AATK: variants seen among roughly 807,000 people sequenced by gnomAD.
The protein encoded by AATK is serine/threonine-protein kinase LMTK1.
Under a neutral mutation model 114.3 loss-of-function variants are expected in AATK, and 91 were observed. The observed-to-expected ratio is 0.80, with a 90% confidence interval of 0.67 to 0.95. The LOEUF (loss-of-function observed/expected upper bound fraction) is 0.95, where lower values mean the gene tolerates loss of function less well. Ranked by LOEUF, AATK falls within the 40% of genes least tolerant of loss-of-function variation. AATK has a pLI of 0.00. For missense variants in AATK, 2,176 were observed against 1,965.2 expected, an observed-to-expected ratio of 1.11 and a Z score of -2.03; for synonymous variants, 1,075 against 916.5, an observed-to-expected ratio of 1.17 and a Z score of -3.12.
At position 81,121,331 on chromosome 17, in the gene AATK, C is replaced by T. The variant is rs1303179235; in HGVS notation, c.2605G>A (p.Gly869Ser). ...TCGCTGGACGTGTCGGTGAAGATGC[C>T]TGAGGTGGCCTCGGCCGTGTCCTCA... ...EDEDTAEATS[G>S]IFTDTSSDGL... The change falls in exon 11 of 14, where the codon GGC (glycine) becomes AGC (serine). Residue 869 changes from glycine (G) to serine (S), a missense_variant. Transcript: ENST00000326724. 13 of 1,611,528 alleles carry T rather than the reference C, an allele frequency of 8.1e-6. No individual in the cohort carries two copies. Among genetic ancestry groups the T allele is most frequent in the Non-Finnish European group, 1.1e-5 (13 of 1,179,782 alleles).
chr17:81,139,156 A>C (rs1274736659), intron 1 of AATK, among the ~76,000 whole-genome samples: 1 of 152,158 alleles, frequency 6.6e-6, no homozygotes, highest in Non-Finnish European at 1.5e-5. Context: ...TCCTCACTTT[A>C]CAAGTACGAA....
intron 7 of AATK, chr17:81,125,806 G>A (rs2060807330): frequency 2.2e-6 from 1 of 446,772 alleles, no homozygotes; most frequent in Non-Finnish European, 4.7e-6. Flanking sequence ...GGGCCTAGGG[G>A]GTGGAGTGGG....
rs1312470580 is a variant in AATK at position 81,119,350 on chromosome 17, C to CCTACCTCTCGCGTGCT, written c.4084+29_4084+30insAGCACGCGAGAGGTAG. 3 of 1,548,018 alleles carry CCTACCTCTCGCGTGCT rather than the reference C, an allele frequency of 1.9e-6. No individual in the cohort carries two copies. In the South Asian group the frequency reaches 3.6e-5, roughly 18 times the overall value. ...GCTCCGTGCCCTGCCTCCCGCGTGCCCTTCTGCCACAGCCCCGCCCAGGCC... is the reference window on the plus strand; with the variant it reads ...GCTCCGTGCCCTGCCTCCCGCGTGCCCTACCTCTCGCGTGCTCTTCTGCCACAGCCCCGCCCAGGCC... On this transcript the variant is annotated intron_variant, in intron 13 of 13. Transcript: ENST00000326724.
At position 81,126,297 on chromosome 17, in the gene AATK, T is replaced by A. The variant is rs1293018697; in HGVS notation, c.755+130A>T. ...ATAAAATCCCTCTGCATAGTGGTTG[T>A]CTGATGCTGCATGAGATGAACCTGG... On this transcript the variant is annotated intron_variant, in intron 7 of 13. Coordinates refer to ENST00000326724, the MANE Select transcript of AATK (RefSeq NM_001080395.3). This position sits in a 1 kb window ranked among gnomAD's most constrained non-coding sequence, Gnocchi z 5.1. The A allele has an allele frequency of 8.3e-7, 1 of 1,204,474 alleles. No individual in the cohort carries two copies. The highest frequency in any genetic ancestry group is 1.5e-5 in the African/African-American group (1 of 65,092). The allele number at this position is 1,204,474 out of a possible 1,614,324, so 74.6% of individuals were successfully genotyped here.
Position 81,141,533 on chromosome 17 carries a change from C to T in AATK, c.56-7032G>A, listed in dbSNP as rs565318218. 2.6e-5 allele frequency among the ~76,000 whole-genome samples: 4 copies of T among 152,350 alleles called. No homozygotes were observed. The East Asian group carries it at 7.7e-4, about 29-fold the overall frequency. On this transcript the variant is annotated intron_variant, in intron 1 of 13. Transcript: ENST00000326724. ...ACTCCATGAAATCTGTAATCAGTGG[C>T]CACAGGAAACTCATGCAACAGCCCT...
intron 10 of AATK, 56 bp downstream of exon 10, chr17:81,123,138 G>A: frequency 2.2e-6 from 3 of 1,383,262 alleles, no homozygotes; most frequent in East Asian, 3.0e-5. Context: ...TCTGCCTGGG[G>A]ATCAGGATAC....
Position 81,126,345 on chromosome 17 carries a change from G to C in AATK, c.755+82C>G. ...TGGCCGGTCCTCGCAAGCCCCCTGA[G>C]GCAGGACCCGCCCTATGCCCTTCCT... is the stretch of plus-strand genomic sequence containing the variant. On this transcript the variant is annotated intron_variant, in intron 7 of 13. Transcript: ENST00000326724. This position sits in a 1 kb window ranked among gnomAD's most constrained non-coding sequence, Gnocchi z 5.1. 1 of 1,475,680 alleles carries C rather than the reference G, an allele frequency of 6.8e-7. No homozygotes were observed. 91.4% of individuals were successfully genotyped at this position (1,475,680 alleles called of 1,614,324 possible).
At chr17:81,143,102 C>T (rs986942451) in intron 1 of AATK, among the ~76,000 whole-genome samples, 5 of 152,228 alleles carry the variant, frequency 3.3e-5, no homozygotes, top group African/African-American at 1.2e-4. Context: ...CGGCACACGG[C>T]CTTCCCTCGA....
chr17:81,138,709 CCA>C (rs778614587), intron 1 of AATK, among the ~76,000 whole-genome samples: 7 of 148,964 alleles, frequency 4.7e-5, no homozygotes, highest in African/African-American at 9.9e-5. Context: ...ACGCAGATAC[CCA>C]CACGCGCAAA....
chr17:81,141,952 CT>C (rs373240356), intron 1 of AATK, among the ~76,000 whole-genome samples: 9,082 of 114,582 alleles, frequency 0.079, 368 homozygotes, highest in South Asian at 0.11. Flanking sequence ...TCCTTCCTTC[CT>C]TTCCTTCCTT....
At chr17:81,158,527 G>T (rs2061393941) in intron 1 of AATK, among the ~76,000 whole-genome samples, 1 of 152,260 alleles carries the variant, frequency 6.6e-6, no homozygotes, top group Admixed American at 6.5e-5. Context: ...CACGGGAAGT[G>T]AAGCAGCAGG....
Position 81,131,158 on chromosome 17 carries a change from C to A in AATK, c.237G>T (p.Gln79His). The stretch of plus-strand genomic sequence containing the variant: ...TCTGTGCTGCCGTGGCCGGGGAGCC[C>A]TGCGCCAGGTCGGCTGCGTACTCGT... ...EGDEYAADLA[Q>H]GSPATAAQNG... is the part of the protein sequence containing the mutation. The change falls in exon 3 of 14, where the codon CAG becomes CAT. Residue 79 changes from glutamine to histidine, a missense_variant. Physicochemically the swap from Gln to His is conservative, Grantham distance 24 (BLOSUM62 0). Transcript: ENST00000326724. The A allele has an allele frequency of 6.3e-7, 1 of 1,578,502 alleles. No homozygotes were observed. Among genetic ancestry groups the A allele is most frequent in the Non-Finnish European group, 8.6e-7 (1 of 1,163,538 alleles).
intron 5 of AATK, 57 bp downstream of exon 5, chr17:81,127,735 G>A (rs1345523862): frequency 1.3e-6 from 2 of 1,523,768 alleles, no homozygotes; most frequent in African/African-American, 2.8e-5. Flanking sequence ...GGGCCGAGCA[G>A]GGGAGGGAGA....
rs552026334 is a variant in AATK at position 81,118,582 on chromosome 17, G to A, written c.4085-140C>T. The A allele has an allele frequency of 1.9e-5, 16 of 845,878 alleles. No homozygotes were observed. In the African/African-American group the frequency reaches 2.4e-4, roughly 12 times the overall value. 52.4% of individuals were successfully genotyped at this position (845,878 alleles called of 1,614,324 possible). A position where few individuals can be genotyped will look rare whatever the true frequency, so the allele number is the denominator to read the frequency against. On this transcript the variant is annotated intron_variant, in intron 13 of 13. Transcript: ENST00000326724. ...GCAGCAGATCTGGCTGTGTCTAGGT[G>A]AGAGATGGACCCATTTCCCCCACTC...
chr17:81,127,874 C>T lies in AATK; in HGVS notation c.451G>A (p.Ala151Thr), dbSNP rs1375688866. Residue 151 changes from alanine (A) to threonine (T), a missense_variant, in exon 5 of 14, where the codon GCC (alanine) becomes ACC (threonine). By Grantham distance (58) the Ala-to-Thr change is moderately conservative. Transcript: ENST00000326724. ...LGEVNSGISS[A>T]QVVVKELQAS... ...TGCAGCTCCTTCACCACCACCTGGG[C>T]ACTGCTGATGCCAGAGTTCACCTCC... 2 of 1,549,290 alleles carry T rather than the reference C, an allele frequency of 1.3e-6. No homozygotes were observed. Among genetic ancestry groups the T allele is most frequent in the Non-Finnish European group, 8.7e-7 (1 of 1,146,978 alleles).
chr17:81,120,424 G>C lies in AATK; in HGVS notation c.3512C>G (p.Ser1171Cys). 1 of 1,584,104 alleles carries C rather than the reference G, an allele frequency of 6.3e-7. No individual in the cohort carries two copies. Among genetic ancestry groups the C allele is most frequent in the Non-Finnish European group, 8.6e-7 (1 of 1,162,384 alleles). ...GCTGTAGCAGCGGAGCTCCTCGTCA[G>C]ACTCGTCGCTGTCCTCACTGTCCTC... ...EEEDSEDSDESDEELRCYSVQ... is the reference protein window; with the variant it reads ...EEEDSEDSDECDEELRCYSVQ... The change falls in exon 11 of 14, where the codon TCT (serine) becomes TGT (cysteine). Residue 1171 changes from serine to cysteine, a missense_variant. Physicochemically the swap from Ser to Cys is moderately radical, Grantham distance 112. Around this residue, in one of 4 missense-constraint regions of AATK, gnomAD observed 1,701 missense variants for 1,394.7 expected, o/e 1.22. Coordinates refer to ENST00000326724, the MANE Select transcript of AATK (RefSeq NM_001080395.3).
chr17:81,141,181 T>C (rs111514343), intron 1 of AATK, among the ~76,000 whole-genome samples: 1,894 of 152,282 alleles, frequency 0.012, 44 homozygotes, highest in African/African-American at 0.043. Flanking sequence ...CCGGGCGCGG[T>C]GGCTCACACC....
At chr17:81,131,867 G>A (rs1261611054) in intron 2 of AATK, 2 of 1,308,682 alleles carry the variant, frequency 1.5e-6, no homozygotes, top group African/African-American at 3.0e-5. Flanking sequence ...TGGGAGCCCA[G>A]AGCCAACCGG....
intron 3 of AATK, 83 bp from the exon 4 acceptor site, chr17:81,128,632 C>A: frequency 1.3e-6 from 2 of 1,535,554 alleles, no homozygotes; most frequent in South Asian, 1.2e-5. Flanking sequence ...AGGGGCTGCC[C>A]GCTTGGCCTT....
Sources: gnomAD v4.1 joint callset for allele counts (sites outside exome capture counted in the v4.1 genomes callset) on GRCh38, gnomAD v4.1.1 for gene constraint, gnomAD v4.1.1 regional missense constraint, Gnocchi (gnomAD v3.1) non-coding constraint, MANE v1.5 for transcripts, NCBI Gene and HGNC (gene_info 2026-07-23, HGNC 2026-07-21) for gene names.